Variants in MAP1S observed in about 807,000 individuals in gnomAD.
MAP1S encodes the protein microtubule-associated protein 1S.
In MAP1S, 27 loss-of-function variants were observed where a neutral mutation model predicts 60.9. That is an observed-to-expected ratio of 0.44 (90% CI 0.33 to 0.61). The LOEUF (loss-of-function observed/expected upper bound fraction) is 0.61, where lower values mean the gene tolerates loss of function less well. Among genes scored for constraint, MAP1S ranks in the 20% least tolerant of loss-of-function variants. The pLI is 0.03. For missense variants in MAP1S, 1,608 were observed against 1,486.6 expected, an observed-to-expected ratio of 1.08 and a Z score of -1.34; for synonymous variants, 826 against 694.2, an observed-to-expected ratio of 1.19 and a Z score of -2.98.
At chr19:17,722,289 T>C (rs1233469062) in intron 2 of MAP1S, among the ~76,000 whole-genome samples, 3 of 152,196 alleles carry the variant, frequency 2.0e-5, no homozygotes, top group Non-Finnish European at 4.4e-5. Context: ...CTGTCCCTAC[T>C]GAAAATGCAA....
Position 17,727,738 on chromosome 19 carries a change from C to G in MAP1S, c.2354C>G (p.Thr785Arg). The G allele has an allele frequency of 6.2e-7, 1 of 1,606,364 alleles. No individual in the cohort carries two copies. Among genetic ancestry groups the G allele is most frequent in the South Asian group, 1.1e-5 (1 of 90,440 alleles). Residue 785 changes from threonine (T) to arginine (R), a missense_variant, in exon 5 of 7, where the codon ACA (threonine) becomes AGA (arginine). Around this residue, in one of 4 missense-constraint regions of MAP1S, gnomAD observed 1,167 missense variants for 961.4 expected, o/e 1.21. Coordinates refer to ENST00000324096, the MANE Select transcript of MAP1S (RefSeq NM_018174.6). The surrounding 1 kb of genome is among the most constrained non-coding windows in gnomAD (Gnocchi z 4.1). Reference sequence around the variant, plus strand: ...CTGGGGGCCGAGGAGACGCCACCCACATCGGTCAGCGAGTCCCTGCCCACC... The same window carrying G: ...CTGGGGGCCGAGGAGACGCCACCCAGATCGGTCAGCGAGTCCCTGCCCACC... ...GGLGAEETPP[T>R]SVSESLPTLS... is the part of the protein sequence containing the mutation.
chr19:17,730,983 C>T (rs551518388), intron 5 of MAP1S, among the ~76,000 whole-genome samples: 12 of 151,496 alleles, frequency 7.9e-5, no homozygotes, highest in East Asian at 3.9e-4. Context: ...CTCCGCCTCC[C>T]GGGTTCAAGC....
rs2080422911 is a variant in MAP1S, at chr19:17,726,432, C to T, written c.1048C>T (p.Arg350Cys). 1.9e-6 allele frequency: 3 copies of T among 1,561,796 alleles called. No homozygotes were observed. The highest frequency in any genetic ancestry group is 1.9e-5 in the Admixed American group (1 of 53,450). Residue 350 changes from arginine (R) to cysteine (C), a missense_variant, in exon 5 of 7, where the codon CGC becomes TGC. Arg to Cys is a radical substitution (Grantham distance 180). This residue lies in a region of MAP1S where 1,167 missense variants were observed against 961.4 expected (regional missense o/e 1.21). Coordinates refer to ENST00000324096, the MANE Select transcript of MAP1S (RefSeq NM_018174.6). ...NACEAASRLARGEDEAELALS... is the reference protein window; with the variant it reads ...NACEAASRLACGEDEAELALS... ...CTGCGAGGCCGCGTCGCGGCTGGCGCGCGGCGAGGATGAGGCGGAGCTGGC... is the reference window on the plus strand; with the variant it reads ...CTGCGAGGCCGCGTCGCGGCTGGCGTGCGGCGAGGATGAGGCGGAGCTGGC...
rs2080412284 is a variant in MAP1S, at chr19:17,725,839, TC to T, written c.457del (p.Leu153TrpfsTer43). On this transcript the variant is annotated frameshift_variant, in exon 5 of 7. Transcript: ENST00000324096. LOFTEE classifies it high-confidence loss of function. The surrounding 1 kb of genome is among the most constrained non-coding windows in gnomAD (Gnocchi z 4.2). ...TCCTCCTCCATACAGATCCGGGACATCCTGGCCACCACGCCCCCACCTGTGC... is the reference window on the plus strand; with the variant it reads ...TCCTCCTCCATACAGATCCGGGACATCTGGCCACCACGCCCCCACCTGTGC... ...QVLKDREIRD[I>X]LATTPPPVQP... 1.2e-6 allele frequency: 2 copies of T among 1,611,300 alleles called. No homozygotes were observed. Among genetic ancestry groups the T allele is most frequent in the Admixed American group, 1.7e-5 (1 of 59,630 alleles).
At chr19:17,724,776 G>A (rs1302478951) in intron 3 of MAP1S, among the ~76,000 whole-genome samples, 2 of 152,136 alleles carry the variant, frequency 1.3e-5, no homozygotes, top group Non-Finnish European at 2.9e-5. Flanking sequence ...AGGGAGAGGT[G>A]GACTAGAGAG....
chr19:17,730,422 T>TC (rs1332591456), intron 5 of MAP1S, among the ~76,000 whole-genome samples: 1 of 152,212 alleles, frequency 6.6e-6, no homozygotes, highest in African/African-American at 2.4e-5. Flanking sequence ...CAAGTGATCC[T>TC]CCCAGCTCAG....
rs1011890631 is a variant in MAP1S at position 17,733,315 on chromosome 19, G to A, written c.2911G>A (p.Val971Met). 15 of 1,603,070 alleles carry A rather than the reference G, an allele frequency of 9.4e-6. No individual in the cohort carries two copies. Among genetic ancestry groups the A allele is most frequent in the African/African-American group, 5.4e-5 (4 of 74,706 alleles). The change falls in exon 6 of 7, where the codon GTG becomes ATG. Residue 971 changes from valine to methionine, a missense_variant. Around this residue, in one of 4 missense-constraint regions of MAP1S, gnomAD observed 1,167 missense variants for 961.4 expected, o/e 1.21. Coordinates refer to ENST00000324096, the MANE Select transcript of MAP1S (RefSeq NM_018174.6). ...HLVDEEFFQR[V>M]RALCYVISGQ... The stretch of plus-strand genomic sequence containing the variant: ...GGTGGATGAGGAGTTCTTCCAGCGC[G>A]TGCGCGCGCTCTGCTACGTCATCAG...
In MAP1S at chr19:17,727,652, A is replaced by C. The variant is rs749661416; in HGVS notation, c.2268A>C (p.Ala756=). The C allele has an allele frequency of 1.9e-6, 3 of 1,608,532 alleles. No homozygotes were observed. The South Asian group carries it at 3.3e-5, about 18-fold the overall frequency. ...GCAAGGCGGTGCCAATGGCACCGGC[A>C]CCTGCGTCCCCCGGCAGCTCGAATG... is the stretch of plus-strand genomic sequence containing the variant. ...EHRKAVPMAP[A]PASPGSSNDS... is the part of the protein sequence containing the mutation. The change falls in exon 5 of 7, where the codon GCA becomes GCC. Residue 756 remains alanine (A), a synonymous_variant. Coordinates refer to ENST00000324096, the MANE Select transcript of MAP1S (RefSeq NM_018174.6). This position sits in a 1 kb window ranked among gnomAD's most constrained non-coding sequence, Gnocchi z 4.1.
chr19:17,723,156 C>T (rs917615919), intron 2 of MAP1S, among the ~76,000 whole-genome samples: 22 of 152,142 alleles, frequency 1.4e-4, no homozygotes, highest in African/African-American at 2.9e-4. Context: ...TGCCCCACCC[C>T]TAGCTGAGTC....
chr19:17,728,285 C>T (rs777951147), intron 5 of MAP1S, 113 bp downstream of exon 5: 162 of 1,211,252 alleles, frequency 1.3e-4, no homozygotes, highest in Middle Eastern at 5.7e-4. Flanking sequence ...TGGTCTCACT[C>T]TGTCTCTGAG....
rs374673765 is a variant in MAP1S at position 17,734,465 on chromosome 19, G to C, written c.*37G>C. On this transcript the variant is annotated 3_prime_UTR_variant, in exon 7 of 7. Transcript: ENST00000324096. The stretch of plus-strand genomic sequence containing the variant: ...ACACGCCCCCCACTCAGCCCAGCCC[G>C]CCTGTCCCTAGATTCAGCCACATCA... 6 of 1,582,472 alleles carry C rather than the reference G, an allele frequency of 3.8e-6. No individual in the cohort carries two copies. Among genetic ancestry groups the C allele is most frequent in the Non-Finnish European group, 5.2e-6 (6 of 1,162,596 alleles).
rs2080360662 is a variant in MAP1S at position 17,720,475 on chromosome 19, A to G, written c.119-461A>G. ...CCAAAGCGAGTGAGGAGATGGAACA[A>G]GCTTCCAGCTCACATGGTGTCAGGA... is the stretch of plus-strand genomic sequence containing the variant. On this transcript the variant is annotated intron_variant, in intron 1 of 6. Coordinates refer to ENST00000324096, the MANE Select transcript of MAP1S (RefSeq NM_018174.6). The G allele has an allele frequency of 2.6e-6, 4 of 1,528,752 alleles. No individual in the cohort carries two copies. The East Asian group carries it at 9.8e-5, about 37-fold the overall frequency. 94.7% of individuals were successfully genotyped at this position (1,528,752 alleles called of 1,614,324 possible). A position where few individuals can be genotyped will look rare whatever the true frequency, so the allele number is the denominator to read the frequency against.
At chr19:17,720,831 G>GGA (rs1364044324) in intron 1 of MAP1S, 105 bp from the exon 2 acceptor site, 1 of 848,534 alleles carries the variant, frequency 1.2e-6, no homozygotes, top group African/African-American at 1.7e-5. Flanking sequence ...GTGAGTGAAG[G>GGA]GAGGAGGCTG....
rs200066406 is a variant in MAP1S at position 17,727,581 on chromosome 19, C to T, written c.2197C>T (p.His733Tyr). The T allele has an allele frequency of 1.0e-4, 168 of 1,607,278 alleles. No individual in the cohort carries two copies. The highest frequency in any genetic ancestry group is 1.1e-5 in the South Asian group (1 of 91,044). Reference protein sequence around the residue: ...GPRARRSASPHDVDLCLVSPC... With the variant: ...GPRARRSASPYDVDLCLVSPC... ...CCGGGCGCGGCGCTCGGCTTCCCCA[C>T]ACGATGTGGACCTGTGCCTGGTGTC... The change falls in exon 5 of 7, where the codon CAC becomes TAC. Residue 733 changes from histidine (H) to tyrosine (Y), a missense_variant. Coordinates refer to ENST00000324096, the MANE Select transcript of MAP1S (RefSeq NM_018174.6). This position sits in a 1 kb window ranked among gnomAD's most constrained non-coding sequence, Gnocchi z 4.1.
Position 17,733,249 on chromosome 19 carries a change from C to T in MAP1S, c.2845C>T (p.Leu949=), listed in dbSNP as rs1040298554. ...SATPPKSPVY[L]DLAYLPSGSS... is the part of the protein sequence containing the mutation. ...CACCCCACCCAAGTCCCCGGTCTACCTGGACCTGGCCTACCTGCCCAGCGG... is the reference window on the plus strand; with the variant it reads ...CACCCCACCCAAGTCCCCGGTCTACTTGGACCTGGCCTACCTGCCCAGCGG... Residue 949 remains leucine, a synonymous_variant, in exon 6 of 7, where the codon CTG becomes TTG. Transcript: ENST00000324096. 10 of 1,555,140 alleles carry T rather than the reference C, an allele frequency of 6.4e-6. No individual in the cohort carries two copies. The highest frequency in any genetic ancestry group is 1.2e-5 in the South Asian group (1 of 84,460).
intron 5 of MAP1S, among the ~76,000 whole-genome samples, chr19:17,729,399 G>C (rs2145979131): frequency 6.6e-6 from 1 of 152,336 alleles, no homozygotes; most frequent in Admixed American, 6.5e-5. Flanking sequence ...CTCTCAGACA[G>C]GGAATGGTGG....
intron 1 of MAP1S, chr19:17,720,193 C>T (rs2080357941): frequency 1.5e-6 from 2 of 1,353,454 alleles, no homozygotes; most frequent in South Asian, 1.8e-5. Context: ...CCTGCAGCCA[C>T]TTGGCTCAGT....
Position 17,727,129 on chromosome 19 carries a change from G to A in MAP1S, c.1745G>A (p.Ser582Asn), listed in dbSNP as rs1367024594. Residue 582 changes from serine to asparagine, a missense_variant, in exon 5 of 7, where the codon AGC becomes AAC. This residue lies in a region of MAP1S where 1,167 missense variants were observed against 961.4 expected (regional missense o/e 1.21). Coordinates refer to ENST00000324096, the MANE Select transcript of MAP1S (RefSeq NM_018174.6). This position sits in a 1 kb window ranked among gnomAD's most constrained non-coding sequence, Gnocchi z 4.1. Reference sequence around the variant, plus strand: ...CCGCCGGTGGCAAATGGACCCCGCAGCCCGCCCAGCCTCCGATGTGGAGAA... The same window carrying A: ...CCGCCGGTGGCAAATGGACCCCGCAACCCGCCCAGCCTCCGATGTGGAGAA... ...GFPPVANGPR[S>N]PPSLRCGEAS... 5 of 1,593,298 alleles carry A rather than the reference G, an allele frequency of 3.1e-6. No homozygotes were observed. The South Asian group carries it at 3.4e-5, about 11-fold the overall frequency.
At position 17,733,318 on chromosome 19, in the gene MAP1S, C is replaced by T. The variant is rs1457232311; in HGVS notation, c.2914C>T (p.Arg972Cys). The T allele has an allele frequency of 1.4e-5, 23 of 1,604,222 alleles. No individual in the cohort carries two copies. The highest frequency in any genetic ancestry group is 3.4e-5 in the Admixed American group (2 of 58,844). ...GGATGAGGAGTTCTTCCAGCGCGTG[C>T]GCGCGCTCTGCTACGTCATCAGTGG... ...LVDEEFFQRV[R>C]ALCYVISGQD... is the part of the protein sequence containing the mutation. Residue 972 changes from arginine (R) to cysteine (C), a missense_variant, in exon 6 of 7, where the codon CGC becomes TGC. By Grantham distance (180) the Arg-to-Cys change is radical (BLOSUM62 -3). This residue lies in a region of MAP1S where 1,167 missense variants were observed against 961.4 expected (regional missense o/e 1.21). Transcript: ENST00000324096.
Sources: allele counts gnomAD v4.1 joint callset (sites outside exome capture counted in the v4.1 genomes callset), GRCh38; gene constraint gnomAD v4.1.1; regional missense constraint gnomAD v4.1.1; non-coding constraint Gnocchi (gnomAD v3.1); transcripts MANE v1.5; gene names NCBI Gene and HGNC (gene_info 2026-07-23, HGNC 2026-07-21).